Variants in DACH2 observed in about 807,000 individuals in gnomAD.
The protein encoded by DACH2 is dachshund homolog 2.
A neutral mutation model predicts 35.8 loss-of-function variants in DACH2; 17 were observed. The observed-to-expected ratio is 0.48, with a 90% CI of 0.33 to 0.71. The LOEUF (loss-of-function observed/expected upper bound fraction) is 0.71, where lower values mean the gene tolerates loss of function less well. DACH2 is among the 30% of genes least tolerant of loss of function. The pLI is 0.02. For missense variants in DACH2, 469 were observed against 472.7 expected (o/e 0.99, Z 0.07); for synonymous variants, 195 against 177.3 (o/e 1.10, Z -0.79).
At chrX:86,692,613 T>C (rs2041023163) in intron 4 of DACH2, among the ~76,000 whole-genome samples, 1 of 112,297 alleles carries the variant, frequency 8.9e-6, no homozygotes, top group African/African-American at 3.2e-5. Context: ...AAATAAATAT[T>C]GATATAATCT....
At chrX:86,761,194 T>A (rs1407676705) in intron 7 of DACH2, among the ~76,000 whole-genome samples, 1 of 110,473 alleles carries the variant, frequency 9.1e-6, no homozygotes, top group Non-Finnish European at 1.9e-5. Context: ...CTCCCTCCCC[T>A]TTCCCCCCAT....
chrX:86,148,714 C>T lies in DACH2; in HGVS notation c.94C>T (p.Pro32Ser). The T allele has an allele frequency of 8.3e-7, 1 of 1,210,643 alleles. No individual in the cohort carries two copies. Among genetic ancestry groups the T allele is most frequent in the Non-Finnish European group, 1.1e-6 (1 of 895,152 alleles). The change falls in exon 1 of 12, where the codon CCC (proline) becomes TCC (serine). Residue 32 changes from proline to serine, a missense_variant. By Grantham distance (74) the Pro-to-Ser change is moderately conservative. Transcript: ENST00000373125. Reference protein sequence around the residue: ...LFRAEPLYSTPREPPRLTPNM... With the variant: ...LFRAEPLYSTSREPPRLTPNM... ...CCGGGCCGAACCCCTGTACTCGACT[C>T]CCAGAGAGCCCCCTCGTCTTACTCC... is the stretch of plus-strand genomic sequence containing the variant.
At chrX:86,663,687 C>T (rs1455853357) in intron 4 of DACH2, among the ~76,000 whole-genome samples, 1 of 111,910 alleles carries the variant, frequency 8.9e-6, no homozygotes, top group Admixed American at 9.5e-5. Context: ...ATTTAAGATG[C>T]CTAACTTCTC....
intron 2 of DACH2, among the ~76,000 whole-genome samples, chrX:86,382,461 T>C (rs866214056): frequency 5.3e-5 from 5 of 94,610 alleles, no homozygotes; most frequent in African/African-American, 8.0e-5. Context: ...GCTACATTCA[T>C]ACACACACAC....
chrX:86,799,860 C>T (rs966553044), intron 7 of DACH2, among the ~76,000 whole-genome samples: 3 of 111,399 alleles, frequency 2.7e-5, no homozygotes, highest in Non-Finnish European at 5.6e-5. Context: ...TCAGATGTAG[C>T]TCATCTTTTT....
At chrX:86,377,615 G>A (rs1206273617) in intron 2 of DACH2, among the ~76,000 whole-genome samples, 1 of 110,350 alleles carries the variant, frequency 9.1e-6, no homozygotes, top group East Asian at 2.9e-4. Flanking sequence ...GTTCCTGTCA[G>A]TAGTGCCCCT....
At chrX:86,567,560 T>C (rs1263897375) in intron 3 of DACH2, among the ~76,000 whole-genome samples, 2 of 111,622 alleles carry the variant, frequency 1.8e-5, no homozygotes, top group Admixed American at 1.9e-4. Context: ...GTGCTTACTT[T>C]CTCCCTCGTT....
chrX:86,641,029 C>A, intron 3 of DACH2, among the ~76,000 whole-genome samples: 1 of 112,174 alleles, frequency 8.9e-6, no homozygotes, highest in Non-Finnish European at 1.9e-5. Context: ...ACTCTAATAA[C>A]TAAAATGGCC....
intron 1 of DACH2, among the ~76,000 whole-genome samples, chrX:86,289,779 C>T: frequency 9.2e-6 from 1 of 109,244 alleles, no homozygotes; most frequent in African/African-American, 3.3e-5. Flanking sequence ...GCATAGTATC[C>T]CATGGTGTAT....
chrX:86,781,261 G>A (rs1279566417), intron 7 of DACH2, among the ~76,000 whole-genome samples: 1 of 111,448 alleles, frequency 9.0e-6, no homozygotes, highest in Non-Finnish European at 1.9e-5. Context: ...TAGCAGATTT[G>A]AGGCTCAGTA....
chrX:86,732,226 T>C (rs2041540351), intron 6 of DACH2, among the ~76,000 whole-genome samples: 1 of 112,068 alleles, frequency 8.9e-6, no homozygotes, highest in South Asian at 3.7e-4. Context: ...TTGAAATTAT[T>C]CTTTCAGTTA....
At chrX:86,710,863 G>A (rs1436134173) in intron 5 of DACH2, among the ~76,000 whole-genome samples, 2 of 112,058 alleles carry the variant, frequency 1.8e-5, no homozygotes, top group African/African-American at 6.5e-5. Flanking sequence ...CAGTAAGACA[G>A]ATTGGGAAGA....
chrX:86,761,143 G>T (rs1178763620), intron 7 of DACH2, among the ~76,000 whole-genome samples: 1 of 110,944 alleles, frequency 9.0e-6, no homozygotes, highest in Non-Finnish European at 1.9e-5. Flanking sequence ...CCATCATCTA[G>T]GTTTTAAGCC....
At chrX:86,424,892 C>T (rs2036866325) in intron 2 of DACH2, among the ~76,000 whole-genome samples, 2 of 110,805 alleles carry the variant, frequency 1.8e-5, no homozygotes, top group South Asian at 3.8e-4. Flanking sequence ...GAAAGAATGT[C>T]GAATTTTATT....
intron 6 of DACH2, among the ~76,000 whole-genome samples, chrX:86,717,974 G>T (rs971013171): frequency 9.2e-6 from 1 of 108,962 alleles, no homozygotes; most frequent in African/African-American, 3.3e-5. Flanking sequence ...AAACATATGA[G>T]TACAGATATC....
intron 1 of DACH2, among the ~76,000 whole-genome samples, chrX:86,347,189 C>T (rs961850864): frequency 2.7e-5 from 3 of 111,960 alleles, no homozygotes; most frequent in Non-Finnish European, 5.6e-5. Flanking sequence ...CAATAACAAG[C>T]GAGGAAAAAC....
At chrX:86,451,780 A>G (rs977762451) in intron 2 of DACH2, among the ~76,000 whole-genome samples, 4 of 110,485 alleles carry the variant, frequency 3.6e-5, no homozygotes, top group African/African-American at 1.3e-4. Context: ...CACTAGGATC[A>G]TGTCATCTGC....
intron 2 of DACH2, among the ~76,000 whole-genome samples, chrX:86,480,853 A>G (rs1013251062): frequency 9.8e-5 from 11 of 112,210 alleles, no homozygotes; most frequent in Non-Finnish European, 3.8e-5. Flanking sequence ...CTAATGGTCA[A>G]TATTTGATGT....
At chrX:86,470,418 A>G (rs1003601609) in intron 2 of DACH2, among the ~76,000 whole-genome samples, 4 of 111,963 alleles carry the variant, frequency 3.6e-5, no homozygotes, top group African/African-American at 1.3e-4. Context: ...ATAGCTAGTC[A>G]TGTCACATAA....
Sources: allele counts gnomAD v4.1 joint callset (sites outside exome capture counted in the v4.1 genomes callset), GRCh38; gene constraint gnomAD v4.1.1; transcripts MANE v1.5; gene names NCBI Gene and HGNC (gene_info 2026-07-23, HGNC 2026-07-21).